BDP1: variants seen among roughly 807,000 people sequenced by gnomAD.
BDP1 encodes the protein transcription factor TFIIIB component B'' homolog.
Under a neutral mutation model 266.6 loss-of-function variants are expected in BDP1, and 169 were observed. The ratio of observed to expected loss-of-function variants is 0.63; its 90% confidence interval spans 0.56 to 0.72. BDP1 has a LOEUF of 0.72. BDP1 is among the 30% of genes least tolerant of loss of function. The probability of loss-of-function intolerance (pLI) is 0.00; values close to 1 mark genes in which losing one functional copy is unlikely to be tolerated. For missense variants in BDP1, 3,015 were observed against 3,053.8 expected, an observed-to-expected ratio of 0.99 and a Z score of 0.30; for synonymous variants, 1,090 against 1,022.4, an observed-to-expected ratio of 1.07 and a Z score of -1.26.
chr5:71,491,921 T>A (rs1763620195), intron 11 of BDP1, among the ~76,000 whole-genome samples: 1 of 152,078 alleles, frequency 6.6e-6, no homozygotes, highest in Non-Finnish European at 1.5e-5. Flanking sequence ...GTTTCACCAT[T>A]TTGCTCAGGC....
chr5:71,483,376 C>A (rs1202781251), intron 7 of BDP1, among the ~76,000 whole-genome samples: 1 of 152,072 alleles, frequency 6.6e-6, no homozygotes, highest in Non-Finnish European at 1.5e-5. Flanking sequence ...AGGAAATGTG[C>A]CTTAATATAT....
downstream of BDP1, among the ~76,000 whole-genome samples, chr5:71,571,841 C>T (rs774303945): frequency 6.6e-6 from 1 of 152,172 alleles, no homozygotes; most frequent in South Asian, 2.1e-4. Context: ...AGGTTGGTCT[C>T]GAACTCCTGA....
At chr5:71,464,030 T>C in intron 3 of BDP1, 28 bp from the exon 4 acceptor site, 2 of 1,314,072 alleles carry the variant, frequency 1.5e-6, no homozygotes, top group Non-Finnish European at 2.1e-6. Context: ...AATAATTTAT[T>C]AAAGATATTG....
chr5:71,497,298 C>A lies in BDP1; in HGVS notation c.1828C>A (p.Pro610Thr). 1 of 1,613,350 alleles carries A rather than the reference C, an allele frequency of 6.2e-7. No individual in the cohort carries two copies. The highest frequency in any genetic ancestry group is 8.5e-7 in the Non-Finnish European group (1 of 1,179,718). Residue 610 changes from proline (P) to threonine (T), a missense_variant, in exon 13 of 39, where the codon CCA becomes ACA. Coordinates refer to ENST00000358731, the MANE Select transcript of BDP1 (RefSeq NM_018429.3). ...LEIDQTENVK[P>T]MLRGRFQRPK... ...AATTGATCAAACAGAAAATGTTAAA[C>A]CAATGTTGAGAGGTCGCTTCCAAAG...
chr5:71,484,478 T>C (rs1466473750), intron 8 of BDP1, among the ~76,000 whole-genome samples: 1 of 152,136 alleles, frequency 6.6e-6, no homozygotes, highest in Non-Finnish European at 1.5e-5. Flanking sequence ...TGTTTAGGTC[T>C]CTTTTTTCCT....
chr5:71,570,175 G>A (rs2112179531), downstream of BDP1, among the ~76,000 whole-genome samples: 1 of 152,282 alleles, frequency 6.6e-6, no homozygotes, highest in South Asian at 2.1e-4. Context: ...CCTTCACTCT[G>A]AAAACTGGAT....
At chr5:71,508,697 T>G (rs903296850) in intron 16 of BDP1, among the ~76,000 whole-genome samples, 4 of 152,190 alleles carry the variant, frequency 2.6e-5, no homozygotes, top group Non-Finnish European at 5.9e-5. Flanking sequence ...TATTAATAAC[T>G]TTTCCTAACC....
the BDP1 span, among the ~76,000 whole-genome samples, chr5:71,572,865 T>C: frequency 1.3e-5 from 2 of 152,172 alleles, no homozygotes; most frequent in Non-Finnish European, 2.9e-5. Context: ...CTCCTTATTA[T>C]TCTGTGGGAC....
In BDP1 at chr5:71,517,283, C is replaced by T. The variant is rs1210930938; in HGVS notation, c.4861-39C>T. ...GAAATATTTTAAGAGGTATATTCTGCTATAAAAATAACATACTAATATGAT... is the reference window on the plus strand; with the variant it reads ...GAAATATTTTAAGAGGTATATTCTGTTATAAAAATAACATACTAATATGAT... On this transcript the variant is annotated intron_variant, in intron 21 of 38. Transcript: ENST00000358731. The T allele has an allele frequency of 4.7e-6, 7 of 1,476,902 alleles. No individual in the cohort carries two copies. The Admixed American group carries it at 1.3e-4, about 27-fold the overall frequency. The allele number at this position is 1,476,902 out of a possible 1,614,324, so 91.5% of individuals were successfully genotyped here.
At chr5:71,481,391 GAAAAAA>G (rs58798987) in intron 7 of BDP1, among the ~76,000 whole-genome samples, 11 of 63,862 alleles carry the variant, frequency 1.7e-4, no homozygotes, top group Non-Finnish European at 2.7e-4. Flanking sequence ...TCTCTACAAA[GAAAAAA>G]AAAAAAAAAA....
intron 26 of BDP1, among the ~76,000 whole-genome samples, chr5:71,536,793 T>G (rs1766625833): frequency 6.6e-6 from 1 of 152,062 alleles, no homozygotes; most frequent in African/African-American, 2.4e-5. Context: ...TCGCCGTCAC[T>G]GCACCCCAGT....
chr5:71,507,176 C>T (rs1764632893), intron 16 of BDP1, among the ~76,000 whole-genome samples: 1 of 152,104 alleles, frequency 6.6e-6, no homozygotes, highest in African/African-American at 2.4e-5. Flanking sequence ...CATATGCAGA[C>T]CTTAAAGCAC....
Position 71,486,605 on chromosome 5 carries a change from C to A in BDP1, c.1191C>A (p.Thr397=). ...KNHSLKEKKS[T]KPRKNVKVKK... ...ACAGTTTAAAGGAGAAGAAATCCAC[C>A]AAACCACGGAAAAATGTAAAAGGTA... The change falls in exon 9 of 39, where the codon ACC becomes ACA. Residue 397 remains threonine (T), a synonymous_variant. Coordinates refer to ENST00000358731, the MANE Select transcript of BDP1 (RefSeq NM_018429.3). 6.6e-7 allele frequency: 1 copy of A among 1,525,596 alleles called. No individual in the cohort carries two copies. The highest frequency in any genetic ancestry group is 8.7e-7 in the Non-Finnish European group (1 of 1,149,814). The allele number at this position is 1,525,596 out of a possible 1,614,324, so 94.5% of individuals were successfully genotyped here.
chr5:71,464,232 A>G, intron 4 of BDP1, 115 bp downstream of exon 4: 1 of 661,326 alleles, frequency 1.5e-6, no homozygotes, highest in Non-Finnish European at 2.5e-6. Context: ...ACAGTGGTTC[A>G]CTCCTGTAAT....
intron 12 of BDP1, among the ~76,000 whole-genome samples, chr5:71,496,132 C>T (rs1376509993): frequency 1.3e-5 from 2 of 150,976 alleles, no homozygotes; most frequent in African/African-American, 2.4e-5. Flanking sequence ...GTCCCAGCTA[C>T]TTGGGAGGCT....
At chr5:71,561,312 A>T (rs1743632052) in intron 37 of BDP1, among the ~76,000 whole-genome samples, 1 of 151,512 alleles carries the variant, frequency 6.6e-6, no homozygotes, top group African/African-American at 2.4e-5. Flanking sequence ...GAGGCAGGAG[A>T]ATCGCTTGAA....
At chr5:71,509,343 C>T in intron 16 of BDP1, 122 bp from the exon 17 acceptor site, 3 of 1,105,832 alleles carry the variant, frequency 2.7e-6, no homozygotes, top group Non-Finnish European at 3.7e-6. Flanking sequence ...GATTCCTAGG[C>T]CTTCCTTAAT....
In BDP1 at chr5:71,474,505, A is replaced by AT. The variant is rs375104257; in HGVS notation, c.1014+4023dup. On this transcript the variant is annotated intron_variant, in intron 7 of 38. Transcript: ENST00000358731. ...ACCACTATGCCCAGCTAATTTTTGT[A>AT]TTTTTTTGTACAGATGAGTTTTCAT... Among the ~76,000 whole-genome samples the AT allele has an allele frequency of 4.1e-3, 620 of 151,782 alleles. 6 individuals are homozygous for AT. Among genetic ancestry groups the AT allele is most frequent in the African/African-American group, 0.015 (604 of 41,420 alleles).
At chr5:71,555,848 T>C (rs1215179137) in intron 35 of BDP1, among the ~76,000 whole-genome samples, 3 of 152,246 alleles carry the variant, frequency 2.0e-5, no homozygotes, top group Non-Finnish European at 4.4e-5. Context: ...TACTTATATG[T>C]TCTCAAATTA....
Sources: allele counts gnomAD v4.1 joint callset (sites outside exome capture counted in the v4.1 genomes callset), GRCh38; gene constraint gnomAD v4.1.1; transcripts MANE v1.5; gene names NCBI Gene and HGNC (gene_info 2026-07-23, HGNC 2026-07-21).